Variants in ITGA9 observed in about 807,000 individuals in gnomAD.
ITGA9 encodes integrin alpha-9.
ITGA9 carries 56 observed loss-of-function variants against 127.8 expected under a neutral mutation model. That is an observed-to-expected ratio of 0.44 (90% confidence interval 0.35 to 0.55). ITGA9 has a LOEUF of 0.55. Ranked by LOEUF, ITGA9 falls within the 20% of genes least tolerant of loss-of-function variation. The pLI, the probability that ITGA9 is intolerant of heterozygous loss-of-function variation, is 0.00. For missense variants in ITGA9, 1,196 were observed against 1,347.1 expected (o/e 0.89, Z 1.76); for synonymous variants, 508 against 514.5 (o/e 0.99, Z 0.17).
chr3:37,638,125 C>A (rs1046980953), intron 16 of ITGA9, among the ~76,000 whole-genome samples: 2 of 152,040 alleles, frequency 1.3e-5, no homozygotes, highest in African/African-American at 4.8e-5. Flanking sequence ...TCCTGTCTAT[C>A]ATGGAAGGAA....
chr3:37,756,848 A>G (rs1227760598), intron 23 of ITGA9, among the ~76,000 whole-genome samples: 1 of 152,238 alleles, frequency 6.6e-6, no homozygotes, highest in Admixed American at 6.5e-5. Context: ...GAAGCTAAAA[A>G]CAAAAGGTTA....
intron 14 of ITGA9, among the ~76,000 whole-genome samples, chr3:37,536,489 A>C (rs1463750948): frequency 6.6e-6 from 1 of 152,258 alleles, no homozygotes; most frequent in Non-Finnish European, 1.5e-5. Flanking sequence ...CTTCAGCTAC[A>C]TGACCTGCTC....
intron 23 of ITGA9, among the ~76,000 whole-genome samples, chr3:37,760,285 G>C (rs1233642861): frequency 2.8e-5 from 4 of 143,268 alleles, no homozygotes; most frequent in Non-Finnish European, 6.2e-5. Context: ...AAAAAAAAAA[G>C]CAAAACACCT....
intron 26 of ITGA9, among the ~76,000 whole-genome samples, chr3:37,786,510 T>C (rs565458399): frequency 1.3e-5 from 2 of 152,218 alleles, no homozygotes; most frequent in African/African-American, 4.8e-5. Context: ...GGAGAATCAC[T>C]TGAAACCCGG....
intron 16 of ITGA9, among the ~76,000 whole-genome samples, chr3:37,633,793 A>T (rs1195951059): frequency 6.6e-6 from 1 of 152,102 alleles, no homozygotes; most frequent in Non-Finnish European, 1.5e-5. Flanking sequence ...CCTATAACTG[A>T]CTGGGACCTG....
intron 17 of ITGA9, among the ~76,000 whole-genome samples, chr3:37,681,488 C>T (rs575397101): frequency 6.6e-6 from 1 of 152,266 alleles, no homozygotes; most frequent in African/African-American, 2.4e-5. Context: ...CCCTAGTGAT[C>T]AAGAAGAGGG....
chr3:37,708,061 T>A (rs532907973), intron 18 of ITGA9, among the ~76,000 whole-genome samples: 1 of 152,214 alleles, frequency 6.6e-6, no homozygotes, highest in Admixed American at 6.5e-5. Context: ...AATACAGCAA[T>A]CATTTCTATT....
chr3:37,816,917 A>C (rs1234562657), intron 27 of ITGA9, among the ~76,000 whole-genome samples: 1 of 152,202 alleles, frequency 6.6e-6, no homozygotes, highest in African/African-American at 2.4e-5. Context: ...ACTTCCCCTC[A>C]CGGTGAATGC....
chr3:37,545,605 A>T (rs114665248), intron 15 of ITGA9, among the ~76,000 whole-genome samples: 2 of 152,330 alleles, frequency 1.3e-5, no homozygotes, highest in African/African-American at 4.8e-5. Context: ...TGTGGTCAGC[A>T]GAGCTGAGGC....
intron 23 of ITGA9, among the ~76,000 whole-genome samples, chr3:37,770,750 C>G (rs971557548): frequency 6.6e-6 from 1 of 152,194 alleles, no homozygotes; most frequent in Non-Finnish European, 1.5e-5. Context: ...TCTTTATCCT[C>G]TCACAGGCCT....
In ITGA9 at chr3:37,707,499, C is replaced by T. The variant is rs182683851; in HGVS notation, c.2067+23484C>T. Among the ~76,000 whole-genome samples the T allele has an allele frequency of 2.8e-3, 432 of 152,200 alleles. 1 individual carries two copies. The highest frequency in any genetic ancestry group is 4.1e-3 in the Non-Finnish European group (277 of 68,024). Reference sequence around the variant, plus strand: ...TGGGGACAGTAAATAAAATTGATGGCCATTTTTTGTCATGCATCTTCTGAA... The same window carrying T: ...TGGGGACAGTAAATAAAATTGATGGTCATTTTTTGTCATGCATCTTCTGAA... On this transcript the variant is annotated intron_variant, in intron 18 of 27. Coordinates refer to ENST00000264741, the MANE Select transcript of ITGA9 (RefSeq NM_002207.3).
intron 15 of ITGA9, among the ~76,000 whole-genome samples, chr3:37,626,699 C>G (rs1007643997): frequency 3.3e-5 from 5 of 152,004 alleles, no homozygotes; most frequent in African/African-American, 7.2e-5. Flanking sequence ...AGGTGGGGGT[C>G]AATAATCTGC....
chr3:37,770,553 C>T (rs1696830464), intron 23 of ITGA9, among the ~76,000 whole-genome samples: 1 of 152,234 alleles, frequency 6.6e-6, no homozygotes, highest in Admixed American at 6.5e-5. Flanking sequence ...ATCTGACCAC[C>T]TCAGCCTGGA....
chr3:37,639,614 T>A (rs1167122900), intron 16 of ITGA9, among the ~76,000 whole-genome samples: 1 of 152,156 alleles, frequency 6.6e-6, no homozygotes, highest in Non-Finnish European at 1.5e-5. Context: ...TGGATGTGAT[T>A]CTACGGTGGA....
At chr3:37,793,389 AACACACACACACACACACACACAC>A (rs10575371) in intron 26 of ITGA9, among the ~76,000 whole-genome samples, 4 of 134,458 alleles carry the variant, frequency 3.0e-5, no homozygotes, top group African/African-American at 8.2e-5. Context: ...CAAACAGGTC[AACACACACACACACACACACACAC>A]ACACACACAC....
intron 16 of ITGA9, among the ~76,000 whole-genome samples, chr3:37,635,877 G>A (rs7429464): frequency 0.25 from 38,172 of 149,916 alleles, 4,932 homozygotes; most frequent in East Asian, 0.34. Context: ...GAGAACATGC[G>A]GTGTTTGGTT....
At chr3:37,504,658 C>G (rs891381524) in intron 6 of ITGA9, among the ~76,000 whole-genome samples, 1 of 152,146 alleles carries the variant, frequency 6.6e-6, no homozygotes, top group African/African-American at 2.4e-5. Flanking sequence ...TAGAACAGCT[C>G]CTTTGAAGCT....
chr3:37,787,725 A>G (rs1254477177), intron 26 of ITGA9, among the ~76,000 whole-genome samples: 1 of 152,232 alleles, frequency 6.6e-6, no homozygotes, highest in Non-Finnish European at 1.5e-5. Context: ...CCTTCTGTCA[A>G]CTATCAGTCT....
intron 13 of ITGA9, among the ~76,000 whole-genome samples, chr3:37,526,654 G>A (rs985644531): frequency 3.3e-5 from 5 of 152,338 alleles, no homozygotes; most frequent in Admixed American, 2.6e-4. Flanking sequence ...CCAGTGGGCC[G>A]CCGCCACCAC....
Sources: allele counts gnomAD v4.1 joint callset (sites outside exome capture counted in the v4.1 genomes callset), GRCh38; gene constraint gnomAD v4.1.1; transcripts MANE v1.5; gene names NCBI Gene and HGNC (gene_info 2026-07-23, HGNC 2026-07-21).